The following ANLN variants were observed in gnomAD, a reference collection of about 807,000 sequenced individuals.
ANLN encodes the protein anillin.
ANLN carries 59 observed loss-of-function variants against 135.1 expected under a neutral mutation model. The ratio of observed to expected loss-of-function variants is 0.44; its 90% CI spans 0.35 to 0.54. The LOEUF (loss-of-function observed/expected upper bound fraction) is 0.54, where lower values mean the gene tolerates loss of function less well. Among genes scored for constraint, ANLN ranks in the 20% least tolerant of loss-of-function variants. The pLI is 0.00. For missense variants in ANLN, 1,182 were observed against 1,340.0 expected, an observed-to-expected ratio of 0.88 and a Z score of 1.84; for synonymous variants, 406 against 456.4, an observed-to-expected ratio of 0.89 and a Z score of 1.41.
intron 22 of ANLN, among the ~76,000 whole-genome samples, chr7:36,447,812 A>G (rs912988424): frequency 6.6e-6 from 1 of 152,040 alleles, no homozygotes; most frequent in African/African-American, 2.4e-5. Context: ...ACTTACGAAT[A>G]GTTTGTTTCT....
At chr7:36,411,808 T>G (rs954790907) in intron 7 of ANLN, among the ~76,000 whole-genome samples, 2 of 152,232 alleles carry the variant, frequency 1.3e-5, no homozygotes, top group African/African-American at 2.4e-5. Context: ...GTTCACTTGC[T>G]TAACAAATCA....
chr7:36,442,137 A>G (rs1379015393), intron 21 of ANLN, among the ~76,000 whole-genome samples: 1 of 152,206 alleles, frequency 6.6e-6, no homozygotes, highest in East Asian at 1.9e-4. Context: ...TGTATATCCT[A>G]TTGTCATAGG....
Position 36,407,808 on chromosome 7 carries a change from A to G in ANLN, c.948A>G (p.Leu316=). 1 of 1,613,870 alleles carries G rather than the reference A, an allele frequency of 6.2e-7. No homozygotes were observed. Among genetic ancestry groups the G allele is most frequent in the Non-Finnish European group, 8.5e-7 (1 of 1,179,810 alleles). Reference sequence around the variant, plus strand: ...GTTGTGAGGGACAAAATCCTGAGCTACTTCCAAAAACTCCTATTAGTCCTC... The same window carrying G: ...GTTGTGAGGGACAAAATCCTGAGCTGCTTCCAAAAACTCCTATTAGTCCTC... ...AKSCEGQNPE[L]LPKTPISPLK... is the part of the protein sequence containing the mutation. The change falls in exon 5 of 24, where the codon CTA becomes CTG. Residue 316 remains leucine, a synonymous_variant. Transcript: ENST00000265748.
intron 20 of ANLN, among the ~76,000 whole-genome samples, chr7:36,434,312 A>G (rs140040979): frequency 1.2e-4 from 18 of 152,304 alleles, no homozygotes; most frequent in African/African-American, 3.8e-4. Context: ...CACGTCTACA[A>G]GATTTCTCTC....
rs1328437008 is a variant in ANLN, at chr7:36,420,035, G to A, written c.1870-134G>A. On this transcript the variant is annotated intron_variant, in intron 10 of 23. Transcript: ENST00000265748. ...CTTTTATGTGTTAGGAACTTAGTTT[G>A]CTTTGTTTTTATGATGAATCAATCA... 20 of 819,012 alleles carry A rather than the reference G, an allele frequency of 2.4e-5. No homozygotes were observed. In the Middle Eastern group the frequency reaches 1.5e-3, roughly 62 times the overall value. The allele number at this position is 819,012 out of a possible 1,614,324, so 50.7% of individuals were successfully genotyped here. A position where few individuals can be genotyped will look rare whatever the true frequency, so the allele number is the denominator to read the frequency against.
chr7:36,409,918 C>T (rs1399174544), intron 5 of ANLN, among the ~76,000 whole-genome samples: 2 of 152,078 alleles, frequency 1.3e-5, no homozygotes, highest in Admixed American at 6.6e-5. Flanking sequence ...GAGATCCACC[C>T]GCCTCGGCCA....
intron 22 of ANLN, among the ~76,000 whole-genome samples, chr7:36,446,585 C>T (rs759255523): frequency 2.0e-5 from 3 of 152,126 alleles, no homozygotes; most frequent in Admixed American, 6.6e-5. Context: ...AGCAAGTGAG[C>T]AAGGGGAGGT....
chr7:36,418,917 C>G (rs1466899152), intron 9 of ANLN, among the ~76,000 whole-genome samples: 1 of 151,972 alleles, frequency 6.6e-6, no homozygotes, highest in East Asian at 1.9e-4. Context: ...CCACGCCTGG[C>G]TAATTTTTTT....
At position 36,421,906 on chromosome 7, in the gene ANLN, G is replaced by A. The variant is rs1562803965; in HGVS notation, c.2213G>A (p.Ser738Asn). The A allele has an allele frequency of 5.6e-6, 9 of 1,613,620 alleles. No homozygotes were observed. Among genetic ancestry groups the A allele is most frequent in the Non-Finnish European group, 7.6e-6 (9 of 1,179,762 alleles). ...CAACAGACAGTGATCTATCAAGCTAGCCAGGCTCTTAACTGCTGTGTTGAT... is the reference window on the plus strand; with the variant it reads ...CAACAGACAGTGATCTATCAAGCTAACCAGGCTCTTAACTGCTGTGTTGAT... ...NMQQTVIYQA[S>N]QALNCCVDEE... is the part of the protein sequence containing the mutation. The change falls in exon 13 of 24, where the codon AGC becomes AAC. Residue 738 changes from serine (S) to asparagine (N), a missense_variant. Transcript: ENST00000265748.
At chr7:36,421,760 T>C in intron 12 of ANLN, 97 bp from the exon 13 acceptor site, 1 of 1,195,366 alleles carries the variant, frequency 8.4e-7, no homozygotes, top group Non-Finnish European at 1.1e-6. Context: ...CTGGAAATTC[T>C]AGAAACTATC....
chr7:36,420,318 A>T lies in ANLN; in HGVS notation c.2015+4A>T, dbSNP rs202147273. On this transcript the variant is annotated splice_donor_region_variant and intron_variant, in intron 11 of 23. Coordinates refer to ENST00000265748, the MANE Select transcript of ANLN (RefSeq NM_018685.5). ...AAGATCGTGATCTTCTTTACAGGTA[A>T]GAACATTTCTGGAAGGCATTCACTC... 1 of 1,613,382 alleles carries T rather than the reference A, an allele frequency of 6.2e-7. No individual in the cohort carries two copies. The highest frequency in any genetic ancestry group is 2.2e-5 in the East Asian group (1 of 44,862).
intron 20 of ANLN, among the ~76,000 whole-genome samples, chr7:36,434,757 A>G (rs1788459593): frequency 6.6e-6 from 1 of 152,074 alleles, no homozygotes; most frequent in South Asian, 2.1e-4. Context: ...CCAGGATTAC[A>G]GGAGAGGCTG....
At chr7:36,440,111 G>A (rs554475049) in intron 21 of ANLN, among the ~76,000 whole-genome samples, 1 of 152,292 alleles carries the variant, frequency 6.6e-6, no homozygotes, top group South Asian at 2.1e-4. Flanking sequence ...AAACATGTGT[G>A]AAAGTTCTGG....
chr7:36,425,982 G>A (rs995143180), intron 18 of ANLN, 33 bp from the exon 19 acceptor site: 1 of 1,445,586 alleles, frequency 6.9e-7, no homozygotes, highest in African/African-American at 1.5e-5. Context: ...AATAACTTAT[G>A]TTTCTTCTTC....
chr7:36,451,021 A>T (rs1011556516), intron 23 of ANLN, among the ~76,000 whole-genome samples: 3 of 152,208 alleles, frequency 2.0e-5, no homozygotes, highest in Non-Finnish European at 4.4e-5. Flanking sequence ...TAAAATTATA[A>T]CTTGGATGGG....
In ANLN at chr7:36,406,240, C is replaced by G. The variant is rs749987420; in HGVS notation, c.547C>G (p.Pro183Ala). 2 of 1,613,390 alleles carry G rather than the reference C, an allele frequency of 1.2e-6. No homozygotes were observed. The highest frequency in any genetic ancestry group is 3.3e-5 in the Admixed American group (2 of 60,020). The change falls in exon 4 of 24, where the codon CCT (proline) becomes GCT (alanine). Residue 183 changes from proline (P) to alanine (A), a missense_variant. This residue lies in a region of ANLN where 1,022 missense variants were observed against 1,134.0 expected (regional missense o/e 0.90). Transcript: ENST00000265748. ...GCCATCAGAGGAAAAGGCTGCTTCC[C>G]CTCCCAGACCTCTGCTTTCAAATGC... is the stretch of plus-strand genomic sequence containing the variant. ...PMPSEEKAASPPRPLLSNASA... is the reference protein window; with the variant it reads ...PMPSEEKAASAPRPLLSNASA...
intron 1 of ANLN, chr7:36,390,677 T>C (rs566143963): frequency 6.6e-6 from 1 of 152,552 alleles, no homozygotes; most frequent in Non-Finnish European, 1.5e-5. Context: ...CGAGCAAAAC[T>C]ATCAGCTCAC....
rs1583611025 is a variant in ANLN at position 36,411,132 on chromosome 7, G to A, written c.1361G>A (p.Gly454Glu). The change falls in exon 7 of 24, where the codon GGA (glycine) becomes GAA (glutamate). Residue 454 changes from glycine (G) to glutamate (E), a missense_variant. Transcript: ENST00000265748. ...AATATATGGAGTGCAGAAAAAGGCG[G>A]AAACTCAAAAAGCAAACAACTAGAA... ...KGNIWSAEKG[G>E]NSKSKQLETK... 6.2e-7 allele frequency: 1 copy of A among 1,607,920 alleles called. No homozygotes were observed. The highest frequency in any genetic ancestry group is 8.5e-7 in the Non-Finnish European group (1 of 1,178,710).
chr7:36,445,186 T>C (rs1209654929), intron 22 of ANLN, among the ~76,000 whole-genome samples: 1 of 130,454 alleles, frequency 7.7e-6, no homozygotes, highest in East Asian at 2.3e-4. Context: ...TTTTTTTTTT[T>C]TTCAGATTTT....
Sources: allele counts gnomAD v4.1 joint callset (sites outside exome capture counted in the v4.1 genomes callset), GRCh38; gene constraint gnomAD v4.1.1; regional missense constraint gnomAD v4.1.1; transcripts MANE v1.5; gene names NCBI Gene and HGNC (gene_info 2026-07-23, HGNC 2026-07-21).